Variants in C10orf90 observed in about 807,000 individuals in gnomAD.
C10orf90 encodes the protein chromosome 10 open reading frame 90, also known as (E2-independent) E3 ubiquitin-conjugating enzyme FATS.
In C10orf90, 56 loss-of-function variants were observed where a neutral mutation model predicts 62.5. The observed-to-expected ratio is 0.90, with a 90% CI of 0.72 to 1.12. The LOEUF (loss-of-function observed/expected upper bound fraction) is 1.12. Ranked by LOEUF, C10orf90 falls within the 50% of genes most tolerant of loss-of-function variation. The pLI, the probability that C10orf90 is intolerant of heterozygous loss-of-function variation, is 0.00. For synonymous variants in C10orf90, 386 were observed against 340.4 expected, an observed-to-expected ratio of 1.13 and a Z score of -1.47; for missense variants, 970 against 880.4, an observed-to-expected ratio of 1.10 and a Z score of -1.29.
chr10:126,616,163 CTT>C (rs35939381), intron 2 of C10orf90, among the ~76,000 whole-genome samples: 25,578 of 152,100 alleles, frequency 0.17, 2,629 homozygotes, highest in Middle Eastern at 0.29. Flanking sequence ...GAGTGTGAGT[CTT>C]TTATCTGTTC....
At chr10:126,547,254 CA>C (rs1230895722) in intron 2 of C10orf90, among the ~76,000 whole-genome samples, 2 of 151,638 alleles carry the variant, frequency 1.3e-5, no homozygotes, top group Non-Finnish European at 2.9e-5. Flanking sequence ...CCCATCTCTA[CA>C]AAAAATAAAA....
intron 2 of C10orf90, among the ~76,000 whole-genome samples, chr10:126,559,687 T>C (rs1864858952): frequency 6.6e-6 from 1 of 152,104 alleles, no homozygotes; most frequent in African/African-American, 2.4e-5. Flanking sequence ...ATCTCTGCCA[T>C]CTCTAAGCAG....
chr10:126,602,721 G>T (rs1014447825), intron 2 of C10orf90, among the ~76,000 whole-genome samples: 2 of 151,578 alleles, frequency 1.3e-5, no homozygotes, highest in Non-Finnish European at 2.9e-5. Flanking sequence ...GTCTTATAAG[G>T]GATGCTGTAT....
intron 2 of C10orf90, among the ~76,000 whole-genome samples, chr10:126,568,616 T>G (rs533623609): frequency 6.6e-6 from 1 of 152,308 alleles, no homozygotes; most frequent in South Asian, 2.1e-4. Context: ...TCCTATCACA[T>G]ATTCGTGGGT....
chr10:126,640,348 C>T (rs995997751), intron 2 of C10orf90, among the ~76,000 whole-genome samples: 5 of 152,220 alleles, frequency 3.3e-5, no homozygotes, highest in Admixed American at 1.3e-4. Flanking sequence ...GCCACTCACA[C>T]GCTGATTCCC....
chr10:126,477,076 A>ATTTTTTTTTTTTTTTTTTTTTT (rs551973906), intron 4 of C10orf90, among the ~76,000 whole-genome samples: 2 of 56,484 alleles, frequency 3.5e-5, no homozygotes, highest in Non-Finnish European at 6.5e-5. Flanking sequence ...CGCCTGGCTA[A>ATTTTTTTTTTTTTTTTTTTTTT]TTTTTTTTTT....
chr10:126,521,171 T>C (rs1863722817), intron 2 of C10orf90: 1 of 1,016,436 alleles, frequency 9.8e-7, no homozygotes, highest in Admixed American at 2.6e-5. Context: ...TAGAGATACC[T>C]GGTTCATCTC....
chr10:126,432,589 A>G (rs1328038789), intron 7 of C10orf90, among the ~76,000 whole-genome samples: 1 of 152,220 alleles, frequency 6.6e-6, no homozygotes. Context: ...ATTTAAACCA[A>G]GACCCGAATG....
At chr10:126,532,601 G>A (rs980748488) in intron 2 of C10orf90, among the ~76,000 whole-genome samples, 37 of 151,720 alleles carry the variant, frequency 2.4e-4, no homozygotes, top group Non-Finnish European at 4.0e-4. Flanking sequence ...ACTTTGGGAG[G>A]CCGAGGAGGG....
chr10:126,637,320 C>G (rs1016060794), intron 2 of C10orf90, among the ~76,000 whole-genome samples: 1 of 152,150 alleles, frequency 6.6e-6, no homozygotes, highest in Non-Finnish European at 1.5e-5. Flanking sequence ...TGGAGATGGG[C>G]CTGATTCCCT....
chr10:126,546,230 A>G (rs1255861277), intron 2 of C10orf90, among the ~76,000 whole-genome samples: 1 of 152,232 alleles, frequency 6.6e-6, no homozygotes, highest in East Asian at 1.9e-4. Context: ...ATAAAACTGT[A>G]CCCTCATGCC....
intron 2 of C10orf90, among the ~76,000 whole-genome samples, chr10:126,599,991 T>C (rs1023662884): frequency 2.6e-5 from 4 of 152,220 alleles, no homozygotes; most frequent in African/African-American, 9.6e-5. Context: ...TGTCTATCTT[T>C]TCCCCCAACA....
intron 2 of C10orf90, among the ~76,000 whole-genome samples, chr10:126,585,833 C>T (rs1233344473): frequency 6.6e-6 from 1 of 152,062 alleles, no homozygotes; most frequent in East Asian, 1.9e-4. Context: ...TCCCAGACCA[C>T]ATCATCAACT....
intron 2 of C10orf90, among the ~76,000 whole-genome samples, chr10:126,565,390 ATATAT>A (rs1352573267): frequency 1.3e-3 from 105 of 78,614 alleles, no homozygotes; most frequent in South Asian, 3.0e-3. Context: ...TATATATTAT[ATATAT>A]TATATTATAT....
chr10:126,595,410 C>G (rs1845064325), intron 2 of C10orf90, among the ~76,000 whole-genome samples: 2 of 152,182 alleles, frequency 1.3e-5, no homozygotes, highest in Non-Finnish European at 2.9e-5. Context: ...TTTATCTCCT[C>G]TGCAAGTGAC....
chr10:126,436,080 C>T (rs924760264), intron 7 of C10orf90, among the ~76,000 whole-genome samples: 20 of 152,152 alleles, frequency 1.3e-4, no homozygotes, highest in African/African-American at 1.7e-4. Context: ...TCAGGTTGCC[C>T]GTAGTGCCAA....
intron 4 of C10orf90, among the ~76,000 whole-genome samples, chr10:126,468,453 T>C (rs1362012874): frequency 6.6e-6 from 1 of 152,200 alleles, no homozygotes; most frequent in Non-Finnish European, 1.5e-5. Flanking sequence ...GGCTGGGCCA[T>C]AGCTTTCATG....
At position 126,442,499 on chromosome 10, in the gene C10orf90, A is replaced by ATATATATATATATATATATATATG. The variant is rs1171760972; in HGVS notation, c.2189-12650_2189-12649insCATATATATATATATATATATATA. Among the ~76,000 whole-genome samples the ATATATATATATATATATATATATG allele has an allele frequency of 1.4e-4, 16 of 111,848 alleles. 1 individual carries two copies. Among genetic ancestry groups the ATATATATATATATATATATATATG allele is most frequent in the African/African-American group, 5.4e-4 (15 of 27,840 alleles). The allele number at this position is 111,848 out of a possible 152,430, so 73.4% of individuals were successfully genotyped here. On this transcript the variant is annotated intron_variant, in intron 7 of 9. Transcript: ENST00000488181. Reference sequence around the variant, plus strand: ...ATTTCATATATATATATATATATATATATATATATCTGTTAAGTCCATTTG... The same window carrying ATATATATATATATATATATATATG: ...ATTTCATATATATATATATATATATATATATATATATATATATATATATGTATATATATCTGTTAAGTCCATTTG...
chr10:126,633,853 T>C (rs1845898201), intron 2 of C10orf90, among the ~76,000 whole-genome samples: 1 of 152,234 alleles, frequency 6.6e-6, no homozygotes, highest in Non-Finnish European at 1.5e-5. Flanking sequence ...GTTGATATCA[T>C]GTGCTGCTAA....
Sources: allele counts gnomAD v4.1 joint callset (sites outside exome capture counted in the v4.1 genomes callset), GRCh38; gene constraint gnomAD v4.1.1; transcripts MANE v1.5; gene names NCBI Gene and HGNC (gene_info 2026-07-23, HGNC 2026-07-21).